The following RILPL1 variants were observed in gnomAD, a reference collection of about 807,000 sequenced individuals.
RILPL1 encodes RILP-like protein 1.
RILPL1 carries 33 observed loss-of-function variants against 50.3 expected under a neutral mutation model. The ratio of observed to expected loss-of-function variants is 0.66; its 90% CI spans 0.50 to 0.88. RILPL1 has a LOEUF of 0.88. RILPL1 is among the 40% of genes least tolerant of loss of function. The pLI is 0.00. For synonymous variants in RILPL1, 205 were observed against 228.6 expected (o/e 0.90, Z 0.93); for missense variants, 418 against 542.5 (o/e 0.77, Z 2.28).
At chr12:123,514,584 G>A (rs983484972) in intron 2 of RILPL1, among the ~76,000 whole-genome samples, 4 of 151,920 alleles carry the variant, frequency 2.6e-5, no homozygotes, top group African/African-American at 4.8e-5. Flanking sequence ...GTGCCACCAT[G>A]CCTGGCTAAT....
At chr12:123,527,457 A>G (rs546299651) in intron 1 of RILPL1, among the ~76,000 whole-genome samples, 1 of 152,104 alleles carries the variant, frequency 6.6e-6, no homozygotes, top group East Asian at 1.9e-4. Context: ...TGGACAACAC[A>G]GCAAAACTCT....
At chr12:123,487,572 G>A (rs1882427075) in intron 4 of RILPL1, among the ~76,000 whole-genome samples, 1 of 152,190 alleles carries the variant, frequency 6.6e-6, no homozygotes, top group African/African-American at 2.4e-5. Context: ...CTCCCAAAGT[G>A]CTGGGATTAC....
At chr12:123,508,446 A>C (rs1422422626) in intron 2 of RILPL1, among the ~76,000 whole-genome samples, 1 of 152,174 alleles carries the variant, frequency 6.6e-6, no homozygotes, top group Non-Finnish European at 1.5e-5. Context: ...CCACATTTGA[A>C]AGGATGAATC....
chr12:123,473,794 A>G (rs1342701842), intron 6 of RILPL1: 1 of 152,038 alleles, frequency 6.6e-6, no homozygotes, highest in Non-Finnish European at 1.5e-5. Flanking sequence ...CAGAAGTCAT[A>G]AGCATACTTG....
At chr12:123,476,405 C>T (rs1881590243) in intron 6 of RILPL1, among the ~76,000 whole-genome samples, 1 of 148,666 alleles carries the variant, frequency 6.7e-6, no homozygotes. Context: ...CGCGCCATTG[C>T]ACTCCAGCCT....
chr12:123,498,893 G>T lies in RILPL1; in HGVS notation c.580-128C>A. 1.2e-6 allele frequency: 1 copy of T among 837,506 alleles called. No homozygotes were observed. The highest frequency in any genetic ancestry group is 1.9e-6 in the Non-Finnish European group (1 of 520,624). The allele number at this position is 837,506 out of a possible 1,614,324, so 51.9% of individuals were successfully genotyped here. The stretch of plus-strand genomic sequence containing the variant: ...AGACATCTTTGTTTGAAAGTTGTTC[G>T]TATTCTTATAGCTGATGATGCTAGA... On this transcript the variant is annotated intron_variant, in intron 3 of 6. Transcript: ENST00000376874. The surrounding 1 kb of genome is among the most constrained non-coding windows in gnomAD (Gnocchi z 4.3).
chr12:123,513,336 T>TG (rs1884498958), intron 2 of RILPL1: 2 of 392,786 alleles, frequency 5.1e-6, no homozygotes, highest in Non-Finnish European at 1.1e-5. Context: ...TGCCCTGTCC[T>TG]GGGGCGCCAG....
chr12:123,517,877 G>GGAAT (rs1281260412), intron 2 of RILPL1, among the ~76,000 whole-genome samples: 3 of 152,210 alleles, frequency 2.0e-5, no homozygotes, highest in African/African-American at 7.2e-5. Context: ...TGCACACAAT[G>GGAAT]GAATGTACTC....
At chr12:123,499,849 C>T (rs1420390238) in intron 2 of RILPL1, among the ~76,000 whole-genome samples, 1 of 152,122 alleles carries the variant, frequency 6.6e-6, no homozygotes, top group Non-Finnish European at 1.5e-5. Flanking sequence ...AGAGGCCTCC[C>T]TTCCTCTGAC....
chr12:123,501,717 G>A (rs1348859292), intron 2 of RILPL1, among the ~76,000 whole-genome samples: 1 of 141,978 alleles, frequency 7.0e-6, no homozygotes, highest in Non-Finnish European at 1.5e-5. Flanking sequence ...CCAAGATCAC[G>A]CTACTGCACT....
At chr12:123,472,724 T>C in intron 6 of RILPL1, 42 bp from the exon 7 acceptor site, 1 of 1,575,416 alleles carries the variant, frequency 6.3e-7, no homozygotes, top group African/African-American at 1.3e-5. Flanking sequence ...AGCTGACCCT[T>C]TGCTGTGCAA....
At chr12:123,474,124 G>A (rs1881425094) in intron 6 of RILPL1, 1 of 152,266 alleles carries the variant, frequency 6.6e-6, no homozygotes, top group Admixed American at 6.5e-5. Context: ...GACCTCAGGT[G>A]ATCCACCTGC....
At chr12:123,521,356 T>A (rs1042229280) in intron 2 of RILPL1, among the ~76,000 whole-genome samples, 1 of 151,994 alleles carries the variant, frequency 6.6e-6, no homozygotes, top group African/African-American at 2.4e-5. Context: ...GCCGCCTGGC[T>A]CCAGAAACTG....
chr12:123,492,682 T>C (rs1001630851), intron 4 of RILPL1, among the ~76,000 whole-genome samples: 2 of 152,174 alleles, frequency 1.3e-5, no homozygotes, highest in Non-Finnish European at 2.9e-5. Flanking sequence ...ACTGTGTCTG[T>C]GTAGAAAGAA....
intron 2 of RILPL1, among the ~76,000 whole-genome samples, chr12:123,507,573 A>C (rs1883825237): frequency 6.6e-6 from 1 of 151,666 alleles, no homozygotes. Flanking sequence ...TCAAAAAAAA[A>C]AAAAAGATGT....
chr12:123,533,192 C>T lies in RILPL1; in HGVS notation c.291G>A (p.Lys97=). 2 of 1,566,822 alleles carry T rather than the reference C, an allele frequency of 1.3e-6. No homozygotes were observed. The highest frequency in any genetic ancestry group is 8.6e-7 in the Non-Finnish European group (1 of 1,160,238). The change falls in exon 1 of 7, where the codon AAG becomes AAA. Residue 97 remains lysine (K), a synonymous_variant. Coordinates refer to ENST00000376874, the MANE Select transcript of RILPL1 (RefSeq NM_178314.5). This position sits in a 1 kb window ranked among gnomAD's most constrained non-coding sequence, Gnocchi z 6.2. ...CGCCCACCTTCTGGTGCTTGCGCTC[C>T]TTCTCGATGCGGTCCATCCTCTCCA... ...LRLERMDRIE[K]ERKHQKELEL...
chr12:123,487,287 C>T (rs1377775555), intron 4 of RILPL1, among the ~76,000 whole-genome samples: 1 of 151,542 alleles, frequency 6.6e-6, no homozygotes, highest in Admixed American at 6.6e-5. Context: ...ATCCACGTTG[C>T]AGCACACACC....
At chr12:123,523,413 G>A in intron 2 of RILPL1, 82 bp downstream of exon 2, 21 of 1,527,306 alleles carry the variant, frequency 1.4e-5, no homozygotes, top group Non-Finnish European at 1.9e-5. Context: ...TCAGCGTCCA[G>A]GGGTGGTGGC....
intron 1 of RILPL1, among the ~76,000 whole-genome samples, chr12:123,528,541 C>T (rs1885340419): frequency 6.6e-6 from 1 of 151,502 alleles, no homozygotes; most frequent in South Asian, 2.1e-4. Flanking sequence ...CATTCTCCTG[C>T]CTCAGCCTCC....
Sources: allele counts gnomAD v4.1 joint callset (sites outside exome capture counted in the v4.1 genomes callset), GRCh38; gene constraint gnomAD v4.1.1; non-coding constraint Gnocchi (gnomAD v3.1); transcripts MANE v1.5; gene names NCBI Gene and HGNC (gene_info 2026-07-23, HGNC 2026-07-21).